Variants in STPG2 observed in about 807,000 individuals in gnomAD.
The protein encoded by STPG2 is sperm-tail PG-rich repeat-containing protein 2.
In STPG2, 56 loss-of-function variants were observed where a neutral mutation model predicts 54.2. The observed-to-expected ratio is 1.03, with a 90% CI of 0.83 to 1.29. The LOEUF is 1.29. STPG2 is among the 50% of genes most tolerant of loss of function. The pLI is 0.00. For missense variants in STPG2, 596 were observed against 544.9 expected (o/e 1.09, Z -0.93); for synonymous variants, 200 against 181.8 (o/e 1.10, Z -0.81).
chr4:97,517,696 T>G (rs1336466527), intron 4 of STPG2, among the ~76,000 whole-genome samples: 13 of 152,120 alleles, frequency 8.5e-5, no homozygotes, highest in Admixed American at 6.6e-4. Flanking sequence ...TTCAAATATT[T>G]TTCTCTTTAA....
At chr4:97,874,978 G>A (rs1030964010) in intron 8 of STPG2, among the ~76,000 whole-genome samples, 4 of 151,970 alleles carry the variant, frequency 2.6e-5, no homozygotes, top group Middle Eastern at 6.8e-3. Context: ...CCCAATTGAA[G>A]GTAATTTGTT....
intron 4 of STPG2, among the ~76,000 whole-genome samples, chr4:97,474,044 A>C (rs1730011844): frequency 6.6e-6 from 1 of 152,112 alleles, no homozygotes; most frequent in East Asian, 1.9e-4. Flanking sequence ...AACCCATGGA[A>C]TGTATACTAA....
At chr4:97,874,027 G>T (rs1730087683) in intron 8 of STPG2, among the ~76,000 whole-genome samples, 1 of 151,302 alleles carries the variant, frequency 6.6e-6, no homozygotes, top group Non-Finnish European at 1.5e-5. Flanking sequence ...AAGTAGAATG[G>T]ACATAATGAA....
intron 8 of STPG2, among the ~76,000 whole-genome samples, chr4:97,861,033 G>A (rs1181147780): frequency 6.6e-6 from 1 of 151,990 alleles, no homozygotes; most frequent in Non-Finnish European, 1.5e-5. Context: ...CACAGCAAAG[G>A]ATACAATCAA....
intron 9 of STPG2, among the ~76,000 whole-genome samples, chr4:97,737,019 G>T (rs1344060331): frequency 6.6e-6 from 1 of 152,132 alleles, no homozygotes; most frequent in Non-Finnish European, 1.5e-5. Flanking sequence ...AAAACTTCCA[G>T]AGGAACGACC....
chr4:98,031,537 G>A (rs529606862), intron 5 of STPG2, among the ~76,000 whole-genome samples: 21 of 152,046 alleles, frequency 1.4e-4, no homozygotes, highest in African/African-American at 5.1e-4. Flanking sequence ...AATTAGCTGG[G>A]CGTGGTGGCC....
chr4:97,537,669 C>T (rs1016148301), intron 4 of STPG2, among the ~76,000 whole-genome samples: 1 of 152,190 alleles, frequency 6.6e-6, no homozygotes, highest in Non-Finnish European at 1.5e-5. Flanking sequence ...ACTTAACTGT[C>T]CCTGTCTGAC....
intron 8 of STPG2, among the ~76,000 whole-genome samples, chr4:97,932,406 C>A (rs746487743): frequency 6.6e-6 from 1 of 152,018 alleles, no homozygotes; most frequent in Non-Finnish European, 1.5e-5. Context: ...GCAGAACATG[C>A]TAGTTTGTCA....
At chr4:97,920,829 C>T (rs938402615) in intron 8 of STPG2, among the ~76,000 whole-genome samples, 2 of 152,152 alleles carry the variant, frequency 1.3e-5, no homozygotes, top group Non-Finnish European at 2.9e-5. Context: ...TGTGTGTTAA[C>T]TTTTTTCATC....
intron 9 of STPG2, among the ~76,000 whole-genome samples, chr4:97,766,145 A>C (rs774985083): frequency 2.1e-4 from 32 of 152,110 alleles, no homozygotes; most frequent in Non-Finnish European, 3.4e-4. Flanking sequence ...TCTCTATTTA[A>C]AACAAAGCAC....
At chr4:97,445,612 C>A (rs997962082) in intron 4 of STPG2, among the ~76,000 whole-genome samples, 3 of 152,122 alleles carry the variant, frequency 2.0e-5, no homozygotes, top group African/African-American at 7.2e-5. Flanking sequence ...AGACTTACAG[C>A]ACATTGCAGT....
chr4:98,043,319 A>G (rs11938686), intron 5 of STPG2, among the ~76,000 whole-genome samples: 59,184 of 151,818 alleles, frequency 0.39, 11,744 homozygotes, highest in Middle Eastern at 0.46. Context: ...AGCTTATTTC[A>G]TATACATCTT....
intron 10 of STPG2, among the ~76,000 whole-genome samples, chr4:97,637,881 G>A (rs1481161721): frequency 1.2e-4 from 18 of 152,034 alleles, no homozygotes; most frequent in African/African-American, 4.3e-4. Context: ...ATGCTCATGG[G>A]TAGGAAGAAT....
intron 5 of STPG2, among the ~76,000 whole-genome samples, chr4:98,021,905 G>A (rs1736216903): frequency 1.3e-5 from 2 of 151,882 alleles, no homozygotes; most frequent in Admixed American, 6.6e-5. Context: ...CTGAGCCTAT[G>A]TGTGTCTCTG....
intron 8 of STPG2, among the ~76,000 whole-genome samples, chr4:97,858,112 T>A (rs1729391162): frequency 1.3e-5 from 2 of 152,048 alleles, no homozygotes. Context: ...GAGTAAGAGA[T>A]AAGGGTAGAC....
At chr4:97,696,597 G>A (rs1263012384) in intron 10 of STPG2, among the ~76,000 whole-genome samples, 2 of 152,188 alleles carry the variant, frequency 1.3e-5, no homozygotes, top group South Asian at 2.1e-4. Context: ...AACCCACAGA[G>A]TGGGAGAAAA....
At chr4:97,924,551 A>C (rs568884335) in intron 8 of STPG2, among the ~76,000 whole-genome samples, 3 of 152,224 alleles carry the variant, frequency 2.0e-5, no homozygotes, top group Non-Finnish European at 4.4e-5. Flanking sequence ...CCAGCATTAA[A>C]GATGACAGCC....
At chr4:97,831,744 C>T (rs983472119) in intron 9 of STPG2, among the ~76,000 whole-genome samples, 1 of 152,172 alleles carries the variant, frequency 6.6e-6, no homozygotes. Flanking sequence ...ATAAATGCCT[C>T]TACAGAAATA....
At chr4:97,848,080 C>A (rs1560552377) in intron 8 of STPG2, among the ~76,000 whole-genome samples, 1 of 152,122 alleles carries the variant, frequency 6.6e-6, no homozygotes, top group Non-Finnish European at 1.5e-5. Context: ...CTCATTGGAT[C>A]CCCAGTGCCT....
Sources: allele counts gnomAD v4.1 joint callset (sites outside exome capture counted in the v4.1 genomes callset), GRCh38; gene constraint gnomAD v4.1.1; transcripts MANE v1.5; gene names NCBI Gene and HGNC (gene_info 2026-07-23, HGNC 2026-07-21).